Variants in ZNF621 observed in about 807,000 individuals in gnomAD.
The protein encoded by ZNF621 is zinc finger protein 621.
Under a neutral mutation model 12.7 loss-of-function variants are expected in ZNF621, and 6 were observed. The observed-to-expected ratio is 0.47, with a 90% CI of 0.26 to 0.93. The LOEUF is 0.93. Among genes scored for constraint, ZNF621 ranks in the 40% least tolerant of loss-of-function variants. The probability of loss-of-function intolerance (pLI) is 0.15; values close to 1 mark genes in which losing one functional copy is unlikely to be tolerated. For missense variants in ZNF621, 474 were observed against 524.0 expected (o/e 0.90, Z 0.93); for synonymous variants, 156 against 190.3 (o/e 0.82, Z 1.48).
Position 40,538,232 on chromosome 3 carries a change from G to C in ZNF621, c.*5142G>C, listed in dbSNP as rs1431092755. On this transcript the variant is annotated 3_prime_UTR_variant, in exon 5 of 5. Transcript: ENST00000339296. ...CTAAATATTAGGAAAAAAGAATTCT[G>C]TCAGGTGTGGTGGCTCACACTTGTA... 2.6e-5 allele frequency: 11 copies of C among 420,000 alleles called. No homozygotes were observed. The highest frequency in any genetic ancestry group is 1.9e-4 in the Admixed American group (7 of 37,506). The allele number at this position is 420,000 out of a possible 1,614,324, so 26.0% of individuals were successfully genotyped here. A position where few individuals can be genotyped will look rare whatever the true frequency, so the allele number is the denominator to read the frequency against.
In ZNF621 at chr3:40,530,106, C is replaced by G. The variant is rs1698686415; in HGVS notation, c.152-103C>G. The G allele has an allele frequency of 6.7e-6, 6 of 894,936 alleles. No individual in the cohort carries two copies. The Admixed American group carries it at 9.1e-5, about 14-fold the overall frequency. 55.4% of individuals were successfully genotyped at this position (894,936 alleles called of 1,614,324 possible). A position where few individuals can be genotyped will look rare whatever the true frequency, so the allele number is the denominator to read the frequency against. On this transcript the variant is annotated intron_variant, in intron 3 of 4. Coordinates refer to ENST00000339296, the MANE Select transcript of ZNF621 (RefSeq NM_198484.5). ...AACTCTCACTTGGTCTGCTGGTGTT[C>G]AATTTCTCTCCCAAGTAGCCTGATG... is the stretch of plus-strand genomic sequence containing the variant.
In ZNF621 at chr3:40,533,456, G is replaced by T; in HGVS notation, c.*366G>T. 1 of 216,134 alleles carries T rather than the reference G, an allele frequency of 4.6e-6. No homozygotes were observed. Among genetic ancestry groups the T allele is most frequent in the East Asian group, 1.0e-4 (1 of 9,538 alleles). 13.4% of individuals were successfully genotyped at this position (216,134 alleles called of 1,614,324 possible). A position where few individuals can be genotyped will look rare whatever the true frequency, so the allele number is the denominator to read the frequency against. ...GTGCCCAGCCTCCAACCTAATTTGAGTTTCATTTGTATTTTTTTCATCACC... is the reference window on the plus strand; with the variant it reads ...GTGCCCAGCCTCCAACCTAATTTGATTTTCATTTGTATTTTTTTCATCACC... On this transcript the variant is annotated 3_prime_UTR_variant, in exon 5 of 5. Coordinates refer to ENST00000339296, the MANE Select transcript of ZNF621 (RefSeq NM_198484.5).
In ZNF621 at chr3:40,530,335, T is replaced by C. The variant is rs1397299427; in HGVS notation, c.259+19T>C. ...AGTCAAGGTGAGTATGAGAATCCAGTGGTGAAGTTTCTTGTTTTGCCTTCC... is the reference window on the plus strand; with the variant it reads ...AGTCAAGGTGAGTATGAGAATCCAGCGGTGAAGTTTCTTGTTTTGCCTTCC... On this transcript the variant is annotated intron_variant, in intron 4 of 4. Coordinates refer to ENST00000339296, the MANE Select transcript of ZNF621 (RefSeq NM_198484.5). The C allele has an allele frequency of 1.3e-6, 2 of 1,599,854 alleles. No homozygotes were observed. The highest frequency in any genetic ancestry group is 1.7e-6 in the Non-Finnish European group (2 of 1,169,226).
chr3:40,532,750 C>G lies in ZNF621; in HGVS notation c.980C>G (p.Ala327Gly), dbSNP rs1698763551. 3 of 1,614,032 alleles carry G rather than the reference C, an allele frequency of 1.9e-6. No individual in the cohort carries two copies. Among genetic ancestry groups the G allele is most frequent in the Admixed American group, 1.7e-5 (1 of 60,000 alleles). ...KPYECKVCGKAFKWYGSFVQH... is the reference protein window; with the variant it reads ...KPYECKVCGKGFKWYGSFVQH... ...TATGAATGTAAGGTGTGTGGGAAAG[C>G]CTTCAAATGGTATGGAAGTTTTGTT... Residue 327 changes from alanine (A) to glycine (G), a missense_variant, in exon 5 of 5, where the codon GCC becomes GGC. Physicochemically the swap from Ala to Gly is moderately conservative, Grantham distance 60. Coordinates refer to ENST00000339296, the MANE Select transcript of ZNF621 (RefSeq NM_198484.5).
chr3:40,529,241 C>T, intron 2 of ZNF621, 78 bp from the exon 3 acceptor site: 2 of 1,544,982 alleles, frequency 1.3e-6, no homozygotes, highest in South Asian at 2.4e-5. Flanking sequence ...GCAGGTTTAT[C>T]CCTTCCCTGA....
chr3:40,527,033 T>C (rs527782240), intron 2 of ZNF621, among the ~76,000 whole-genome samples: 1 of 152,226 alleles, frequency 6.6e-6, no homozygotes, highest in East Asian at 1.9e-4. Flanking sequence ...TGTTTGTTTT[T>C]TTGAGATGGA....
chr3:40,529,366 A>T lies in ZNF621; in HGVS notation c.72A>T (p.Gln24His), dbSNP rs571784956. 1 of 1,613,954 alleles carries T rather than the reference A, an allele frequency of 6.2e-7. No individual in the cohort carries two copies. Among genetic ancestry groups the T allele is most frequent in the African/African-American group, 1.3e-5 (1 of 75,058 alleles). ...TGGCTGTTTACTTCACCCAGAATCA[A>T]TGGGCCAGCCTCGACCCTGCGCAGA... ...EDVAVYFTQN[Q>H]WASLDPAQRA... The change falls in exon 3 of 5, where the codon CAA becomes CAT. Residue 24 changes from glutamine (Q) to histidine (H), a missense_variant. Coordinates refer to ENST00000339296, the MANE Select transcript of ZNF621 (RefSeq NM_198484.5).
At position 40,538,176 on chromosome 3, in the gene ZNF621, C is replaced by T. The variant is rs531061628; in HGVS notation, c.*5086C>T. On this transcript the variant is annotated 3_prime_UTR_variant, in exon 5 of 5. Coordinates refer to ENST00000339296, the MANE Select transcript of ZNF621 (RefSeq NM_198484.5). ...GCACATCTGTTTACAGCATGGATTA[C>T]TGAATATTTTAAGCCCACTGTTGAG... 7.3e-5 allele frequency: 25 copies of T among 341,300 alleles called. No homozygotes were observed. Among genetic ancestry groups the T allele is most frequent in the South Asian group, 5.6e-4 (25 of 44,812 alleles). The allele number at this position is 341,300 out of a possible 1,614,324, so 21.1% of individuals were successfully genotyped here.
Position 40,532,580 on chromosome 3 carries a change from A to G in ZNF621, c.810A>G (p.Lys270=), listed in dbSNP as rs61740750. The change falls in exon 5 of 5, where the codon AAA becomes AAG. Residue 270 remains lysine (K), a synonymous_variant. Coordinates refer to ENST00000339296, the MANE Select transcript of ZNF621 (RefSeq NM_198484.5). The part of the protein sequence containing the change: ...EKLYKCKECW[K]AFGCRSLFIV... ...TCTATAAATGTAAGGAATGTTGGAAAGCTTTCGGTTGTAGGTCACTTTTTA... is the reference window on the plus strand; with the variant it reads ...TCTATAAATGTAAGGAATGTTGGAAGGCTTTCGGTTGTAGGTCACTTTTTA... The G allele has an allele frequency of 7.0e-4, 1,128 of 1,614,164 alleles. 9 individuals carry two copies. The African/African-American group carries it at 0.013, about 19-fold the overall frequency.
Position 40,534,614 on chromosome 3 carries a change from T to C in ZNF621, c.*1524T>C, listed in dbSNP as rs1698817439. 1 of 152,200 alleles carries C rather than the reference T, an allele frequency of 6.6e-6. No homozygotes were observed. Among genetic ancestry groups the C allele is most frequent in the African/African-American group, 2.4e-5 (1 of 41,454 alleles). 9.4% of individuals were successfully genotyped at this position (152,200 alleles called of 1,614,324 possible). On this transcript the variant is annotated 3_prime_UTR_variant, in exon 5 of 5. Transcript: ENST00000339296. ...TTGTAAAAAGAAGAGTTTTCTCTCT[T>C]GCACAAATTCTGATTTTGGCTATCT... is the stretch of plus-strand genomic sequence containing the variant.
chr3:40,532,009 A>G, intron 4 of ZNF621, 21 bp from the exon 5 acceptor site: 1 of 1,575,982 alleles, frequency 6.3e-7, no homozygotes, highest in Non-Finnish European at 8.6e-7. Flanking sequence ...AACTAGGAAC[A>G]CTTGTGGTTT....
chr3:40,530,318 T>C lies in ZNF621; in HGVS notation c.259+2T>C, dbSNP rs1698694748. 1.9e-6 allele frequency: 3 copies of C among 1,611,856 alleles called. No homozygotes were observed. Among genetic ancestry groups the C allele is most frequent in the Non-Finnish European group, 1.7e-6 (2 of 1,178,768 alleles). ...AGATTCTGAGAGGCATCAGTCAAGGTGAGTATGAGAATCCAGTGGTGAAGT... is the reference window on the plus strand; with the variant it reads ...AGATTCTGAGAGGCATCAGTCAAGGCGAGTATGAGAATCCAGTGGTGAAGT... On this transcript the variant is annotated splice_donor_variant, in intron 4 of 4. Coordinates refer to ENST00000339296, the MANE Select transcript of ZNF621 (RefSeq NM_198484.5). LOFTEE classifies it high-confidence loss of function.
intron 1 of ZNF621, chr3:40,525,548 A>G (rs900239426): frequency 1.0e-5 from 6 of 595,064 alleles, no homozygotes; most frequent in Non-Finnish European, 1.5e-5. Context: ...ACCCGTACGA[A>G]TGGGCTCAAA....
chr3:40,530,316 GGTGA>G lies in ZNF621; in HGVS notation c.259+3_259+6del. 6.2e-7 allele frequency: 1 copy of G among 1,613,194 alleles called. No individual in the cohort carries two copies. Among genetic ancestry groups the G allele is most frequent in the Non-Finnish European group, 8.5e-7 (1 of 1,179,484 alleles). ...CGAGATTCTGAGAGGCATCAGTCAA[GGTGA>G]GTATGAGAATCCAGTGGTGAAGTTT... On this transcript the variant is annotated splice_donor_variant and splice_donor_region_variant and intron_variant, in intron 4 of 4. Coordinates refer to ENST00000339296, the MANE Select transcript of ZNF621 (RefSeq NM_198484.5). LOFTEE classifies it high-confidence loss of function.
Position 40,532,812 on chromosome 3 carries a change from G to A in ZNF621, c.1042G>A (p.Val348Ile). 1 of 1,614,212 alleles carries A rather than the reference G, an allele frequency of 6.2e-7. No individual in the cohort carries two copies. The highest frequency in any genetic ancestry group is 8.5e-7 in the Non-Finnish European group (1 of 1,180,034). Reference sequence around the variant, plus strand: ...ATTGCACCCTGTGGAGAAGAAGCCAGTCAAGGTCCTTGGGCCATCCCTGGT... The same window carrying A: ...ATTGCACCCTGTGGAGAAGAAGCCAATCAAGGTCCTTGGGCCATCCCTGGT... ...QKLHPVEKKP[V>I]KVLGPSLVSP... Residue 348 changes from valine (V) to isoleucine (I), a missense_variant, in exon 5 of 5, where the codon GTC (valine) becomes ATC (isoleucine). By Grantham distance (29) the Val-to-Ile change is conservative (BLOSUM62 3). Transcript: ENST00000339296.
rs752677612 is a variant in ZNF621 at position 40,532,510 on chromosome 3, G to A, written c.740G>A (p.Ser247Asn). 1 of 1,614,196 alleles carries A rather than the reference G, an allele frequency of 6.2e-7. No homozygotes were observed. Among genetic ancestry groups the A allele is most frequent in the Non-Finnish European group, 8.5e-7 (1 of 1,180,038 alleles). The change falls in exon 5 of 5, where the codon AGT (serine) becomes AAT (asparagine). Residue 247 changes from serine to asparagine, a missense_variant. Physicochemically the swap from Ser to Asn is conservative, Grantham distance 46 (BLOSUM62 1). Transcript: ENST00000339296. ...GAGTGTGGAAAGGCTTTCCGTAGGA[G>A]TGCGGCATACCTGCAGCATCAGAGA... ...CKECGKAFRRSAAYLQHQRLH... is the reference protein window; with the variant it reads ...CKECGKAFRRNAAYLQHQRLH...
Position 40,532,978 on chromosome 3 carries a change from C to T in ZNF621, c.1208C>T (p.Pro403Leu), listed in dbSNP as rs1698773568. 1 of 1,552,024 alleles carries T rather than the reference C, an allele frequency of 6.4e-7. No homozygotes were observed. The highest frequency in any genetic ancestry group is 8.7e-7 in the Non-Finnish European group (1 of 1,147,132). Residue 403 changes from proline to leucine, a missense_variant, in exon 5 of 5, where the codon CCT becomes CTT. By Grantham distance (98) the Pro-to-Leu change is moderately conservative. Coordinates refer to ENST00000339296, the MANE Select transcript of ZNF621 (RefSeq NM_198484.5). ...TCTGGGAATTTTTTCATGCTGCTGCCTACATCTGGAATACCTTCTTCATCT... is the reference window on the plus strand; with the variant it reads ...TCTGGGAATTTTTTCATGCTGCTGCTTACATCTGGAATACCTTCTTCATCT... ...PTSGNFFMLL[P>L]TSGIPSSSAQ...
chr3:40,528,360 T>C (rs1397860164), intron 2 of ZNF621, among the ~76,000 whole-genome samples: 2 of 152,214 alleles, frequency 1.3e-5, no homozygotes, highest in Non-Finnish European at 2.9e-5. Flanking sequence ...AATATTCCAT[T>C]GTCTATATAT....
rs1320820558 is a variant in ZNF621, at chr3:40,525,263, C to A, written c.-74C>A. The stretch of plus-strand genomic sequence containing the variant: ...GCCCTAAAGAACTTGCCCTGACAGC[C>A]TCTGGCTCCCGGTACTGACGTTTCT... On this transcript the variant is annotated 5_prime_UTR_variant, in exon 1 of 5. Coordinates refer to ENST00000339296, the MANE Select transcript of ZNF621 (RefSeq NM_198484.5). 1.9e-5 allele frequency: 3 copies of A among 155,386 alleles called. No individual in the cohort carries two copies. Among genetic ancestry groups the A allele is most frequent in the Non-Finnish European group, 4.3e-5 (3 of 70,140 alleles). 9.6% of individuals were successfully genotyped at this position (155,386 alleles called of 1,614,324 possible). A position where few individuals can be genotyped will look rare whatever the true frequency, so the allele number is the denominator to read the frequency against.
Sources: allele counts gnomAD v4.1 joint callset (sites outside exome capture counted in the v4.1 genomes callset), GRCh38; gene constraint gnomAD v4.1.1; transcripts MANE v1.5; gene names NCBI Gene and HGNC (gene_info 2026-07-23, HGNC 2026-07-21).